CACNG3: variants seen among roughly 807,000 people sequenced by gnomAD.
CACNG3 encodes voltage-dependent calcium channel gamma-3 subunit.
In CACNG3, 3 loss-of-function variants were observed where a neutral mutation model predicts 28.5. That is an observed-to-expected ratio of 0.11 (90% CI 0.05 to 0.27). The LOEUF (loss-of-function observed/expected upper bound fraction) is 0.27, where lower values mean the gene tolerates loss of function less well. Ranked by LOEUF, CACNG3 falls within the 10% of genes least tolerant of loss-of-function variation. The pLI, the probability that CACNG3 is intolerant of heterozygous loss-of-function variation, is 1.00. For missense variants in CACNG3, 236 were observed against 414.4 expected (o/e 0.57, Z 3.74); for synonymous variants, 174 against 162.2 (o/e 1.07, Z -0.55).
chr16:24,296,934 C>T (rs542511034), intron 1 of CACNG3, among the ~76,000 whole-genome samples: 1 of 152,128 alleles, frequency 6.6e-6, no homozygotes, highest in Non-Finnish European at 1.5e-5. Flanking sequence ...GATCCTCAGT[C>T]CTGGCTGTGC....
At chr16:24,325,620 A>G (rs1238460259) in intron 1 of CACNG3, among the ~76,000 whole-genome samples, 1 of 152,240 alleles carries the variant, frequency 6.6e-6, no homozygotes, top group East Asian at 1.9e-4. Context: ...ACAGTTTATG[A>G]GCCGCCTCAT....
intron 1 of CACNG3, among the ~76,000 whole-genome samples, chr16:24,286,433 C>CACAT (rs1898894924): frequency 1.6e-5 from 1 of 61,196 alleles, no homozygotes; most frequent in African/African-American, 5.0e-5. Flanking sequence ...CACACACACA[C>CACAT]ATATATATAT....
Position 24,361,880 on chromosome 16 carries a change from T to G in CACNG3, c.*17T>G, listed in dbSNP as rs1356730695. On this transcript the variant is annotated 3_prime_UTR_variant, in exon 4 of 4. Transcript: ENST00000005284. The surrounding 1 kb of genome is among the most constrained non-coding windows in gnomAD (Gnocchi z 6.8). ...CCCGTCTGAACTGACCTCTGACCTCTGCCCCACGCCCAGCACAGCCTTGGG... is the reference window on the plus strand; with the variant it reads ...CCCGTCTGAACTGACCTCTGACCTCGGCCCCACGCCCAGCACAGCCTTGGG... 1 of 1,587,062 alleles carries G rather than the reference T, an allele frequency of 6.3e-7. No homozygotes were observed. Among genetic ancestry groups the G allele is most frequent in the African/African-American group, 1.3e-5 (1 of 74,782 alleles).
intron 1 of CACNG3, among the ~76,000 whole-genome samples, chr16:24,280,178 G>A (rs895598223): frequency 2.0e-5 from 3 of 152,180 alleles, no homozygotes; most frequent in African/African-American, 7.2e-5. Flanking sequence ...TTATTGGGTC[G>A]TGGAAAGCCA....
intron 1 of CACNG3, among the ~76,000 whole-genome samples, chr16:24,343,589 G>A (rs530907793): frequency 6.6e-6 from 1 of 152,284 alleles, no homozygotes; most frequent in East Asian, 1.9e-4. Context: ...ATAGTAGGGG[G>A]TAGGCTATAA....
intron 1 of CACNG3, among the ~76,000 whole-genome samples, chr16:24,297,747 G>A (rs754173751): frequency 6.6e-6 from 1 of 152,188 alleles, no homozygotes; most frequent in Non-Finnish European, 1.5e-5. Flanking sequence ...GGTGCTGTGG[G>A]TAGAAGATCT....
chr16:24,257,369 GAGAGAGAGA>G (rs1388098157), intron 1 of CACNG3, among the ~76,000 whole-genome samples: 204 of 19,646 alleles, frequency 0.01, 15 homozygotes, highest in South Asian at 0.034. Flanking sequence ...AGTGAGGGGG[GAGAGAGAGA>G]GAGAGAGAGA....
At chr16:24,286,342 A>T (rs1367920826) in intron 1 of CACNG3, among the ~76,000 whole-genome samples, 1 of 151,942 alleles carries the variant, frequency 6.6e-6, no homozygotes, top group Non-Finnish European at 1.5e-5. Context: ...TTGACAGGTT[A>T]TTATCCTAAA....
In CACNG3 at chr16:24,352,875, G is replaced by C. The variant is rs147338108; in HGVS notation, c.296-1958G>C. ...TCTTGTGGTTCTACCCGTTACACGG[G>C]GCTCAGCCCTCAGAAGGGCCCCACC... On this transcript the variant is annotated intron_variant, in intron 2 of 3. Coordinates refer to ENST00000005284, the MANE Select transcript of CACNG3 (RefSeq NM_006539.4). Among the ~76,000 whole-genome samples the C allele has an allele frequency of 2.6e-5, 4 of 152,218 alleles. No homozygotes were observed. In the East Asian group the frequency reaches 7.8e-4, roughly 30 times the overall value.
chr16:24,344,533 A>G (rs1330124396), intron 1 of CACNG3, among the ~76,000 whole-genome samples: 1 of 152,230 alleles, frequency 6.6e-6, no homozygotes, highest in African/African-American at 2.4e-5. Flanking sequence ...AAAACCAAAC[A>G]GGCATATATA....
chr16:24,280,703 C>A (rs1281800389), intron 1 of CACNG3, among the ~76,000 whole-genome samples: 2 of 151,366 alleles, frequency 1.3e-5, no homozygotes, highest in East Asian at 3.9e-4. Context: ...GTAATCCCAG[C>A]TACTTGGGAG....
chr16:24,325,042 C>T (rs1899522518), intron 1 of CACNG3, among the ~76,000 whole-genome samples: 1 of 152,178 alleles, frequency 6.6e-6, no homozygotes, highest in Non-Finnish European at 1.5e-5. Context: ...TTTGAAGAAC[C>T]AAGAGTGCTC....
At chr16:24,345,378 G>A (rs753303046) in intron 1 of CACNG3, among the ~76,000 whole-genome samples, 1 of 152,186 alleles carries the variant, frequency 6.6e-6, no homozygotes, top group Non-Finnish European at 1.5e-5. Context: ...TAACTGTCTA[G>A]TTAACTAACA....
Position 24,361,312 on chromosome 16 carries a change from G to A in CACNG3, c.437-40G>A, listed in dbSNP as rs988054547. ...GATGGAAAGTGACAGTTCTCTCCGA[G>A]GTGTATAAAGGACGTGTTTTTCTTT... On this transcript the variant is annotated intron_variant, in intron 3 of 3. Transcript: ENST00000005284. This position sits in a 1 kb window ranked among gnomAD's most constrained non-coding sequence, Gnocchi z 6.8. 2 of 1,433,130 alleles carry A rather than the reference G, an allele frequency of 1.4e-6. No individual in the cohort carries two copies. The highest frequency in any genetic ancestry group is 1.4e-5 in the African/African-American group (1 of 69,748). 88.8% of individuals were successfully genotyped at this position (1,433,130 alleles called of 1,614,324 possible). A position where few individuals can be genotyped will look rare whatever the true frequency, so the allele number is the denominator to read the frequency against.
chr16:24,269,746 C>CAAAA (rs1163565728), intron 1 of CACNG3, among the ~76,000 whole-genome samples: 27 of 71,052 alleles, frequency 3.8e-4, no homozygotes, highest in East Asian at 7.7e-4. Context: ...GACTCCATCT[C>CAAAA]AAAAAAAAAA....
chr16:24,281,041 A>G (rs960800358), intron 1 of CACNG3, among the ~76,000 whole-genome samples: 1 of 152,176 alleles, frequency 6.6e-6, no homozygotes, highest in Non-Finnish European at 1.5e-5. Context: ...AGGTATGGCT[A>G]TATGCGGGGA....
chr16:24,349,859 G>A (rs937500015), intron 2 of CACNG3, among the ~76,000 whole-genome samples: 8 of 152,176 alleles, frequency 5.3e-5, no homozygotes, highest in Non-Finnish European at 7.3e-5. Context: ...AGATGGAGTC[G>A]CTCTGTTTCC....
chr16:24,352,260 A>G (rs998055098), intron 2 of CACNG3, among the ~76,000 whole-genome samples: 6 of 152,142 alleles, frequency 3.9e-5, no homozygotes, highest in Non-Finnish European at 7.4e-5. Context: ...ACACTGAGCA[A>G]TGTGAACTAA....
At chr16:24,282,440 A>G (rs1307437243) in intron 1 of CACNG3, among the ~76,000 whole-genome samples, 2 of 150,756 alleles carry the variant, frequency 1.3e-5, no homozygotes, top group African/African-American at 4.9e-5. Context: ...TTACACTCGG[A>G]TAATTTGTGT....
Sources: gnomAD v4.1 joint callset for allele counts (sites outside exome capture counted in the v4.1 genomes callset) on GRCh38, gnomAD v4.1.1 for gene constraint, Gnocchi (gnomAD v3.1) non-coding constraint, MANE v1.5 for transcripts, NCBI Gene and HGNC (gene_info 2026-07-23, HGNC 2026-07-21) for gene names.